The following USP34 variants were observed in gnomAD, a reference collection of about 807,000 sequenced individuals.
USP34 encodes ubiquitin specific peptidase 34, also known as ubiquitin carboxyl-terminal hydrolase 34.
In USP34, 70 loss-of-function variants were observed where a neutral mutation model predicts 460.3. The observed-to-expected ratio is 0.15, with a 90% CI of 0.13 to 0.19. USP34 has a LOEUF of 0.19. Ranked by LOEUF, USP34 falls within the 10% of genes least tolerant of loss-of-function variation. The pLI is 1.00. For synonymous variants in USP34, 1,647 were observed against 1,405.3 expected (o/e 1.17, Z -3.85); for missense variants, 3,985 against 4,236.2 (o/e 0.94, Z 1.65).
chr2:61,188,616 G>C lies in USP34; in HGVS notation c.10127C>G (p.Thr3376Ser). The change falls in exon 80 of 80, where the codon ACC becomes AGC. Residue 3376 changes from threonine (T) to serine (S), a missense_variant. Thr to Ser is a moderately conservative substitution (Grantham distance 58, BLOSUM62 1). Transcript: ENST00000398571. ...DSCISDMKTE[T>S]REVLTPTSTS... ...GCTCGTTGGGGTCAGGACCTCCCTGGTTTCTGTTTTCATGTCACTGATGCA... is the reference window on the plus strand; with the variant it reads ...GCTCGTTGGGGTCAGGACCTCCCTGCTTTCTGTTTTCATGTCACTGATGCA... The C allele has an allele frequency of 6.2e-7, 1 of 1,614,136 alleles. No individual in the cohort carries two copies. The highest frequency in any genetic ancestry group is 2.2e-5 in the East Asian group (1 of 44,886).
At chr2:61,237,889 ATTTTCTT>A (rs1688116606) in intron 53 of USP34, among the ~76,000 whole-genome samples, 1 of 147,140 alleles carries the variant, frequency 6.8e-6, no homozygotes, top group South Asian at 2.2e-4. Context: ...CACCCTAGCT[ATTTTCTT>A]TTTTCTTTTC....
intron 25 of USP34, among the ~76,000 whole-genome samples, chr2:61,313,604 T>A (rs1244430761): frequency 6.6e-6 from 1 of 152,142 alleles, no homozygotes; most frequent in Non-Finnish European, 1.5e-5. Context: ...CATTTGCTCT[T>A]TTTAAAATTT....
intron 39 of USP34, among the ~76,000 whole-genome samples, 179 bp downstream of exon 39, chr2:61,280,065 A>T (rs185562828): frequency 6.6e-6 from 1 of 152,340 alleles, no homozygotes; most frequent in East Asian, 1.9e-4. Flanking sequence ...GGTCTGAGTA[A>T]AAACACGAAA....
intron 27 of USP34, among the ~76,000 whole-genome samples, chr2:61,308,528 G>T (rs185249844): frequency 6.6e-6 from 1 of 152,202 alleles, no homozygotes; most frequent in East Asian, 1.9e-4. Context: ...TGTTCCATAA[G>T]GAGAGAAAAT....
rs1687527909 is a variant in USP34, at chr2:61,220,469, A to G, written c.7900-12T>C. On this transcript the variant is annotated splice_polypyrimidine_tract_variant and intron_variant, in intron 66 of 79. Transcript: ENST00000398571. Reference sequence around the variant, plus strand: ...TTGTATTCAATCACCTACAAATAACATGACAAGAACAGAATATAAGGCCAA... The same window carrying G: ...TTGTATTCAATCACCTACAAATAACGTGACAAGAACAGAATATAAGGCCAA... 2 of 1,603,620 alleles carry G rather than the reference A, an allele frequency of 1.2e-6. No homozygotes were observed. The highest frequency in any genetic ancestry group is 1.7e-6 in the Non-Finnish European group (2 of 1,175,650).
At chr2:61,288,506 A>C (rs946268672) in intron 34 of USP34, among the ~76,000 whole-genome samples, 171 bp downstream of exon 34, 3 of 152,224 alleles carry the variant, frequency 2.0e-5, no homozygotes, top group African/African-American at 7.2e-5. Context: ...TGGATGATGA[A>C]ATGAAAAGCA....
At chr2:61,364,090 A>C (rs895001938) in intron 10 of USP34, among the ~76,000 whole-genome samples, 2 of 152,216 alleles carry the variant, frequency 1.3e-5, no homozygotes, top group Non-Finnish European at 2.9e-5. Context: ...ACAGAATGTA[A>C]AACAGCTGAG....
intron 3 of USP34, among the ~76,000 whole-genome samples, chr2:61,396,541 TGCAGGA>T (rs1338186882): frequency 1.3e-5 from 2 of 151,136 alleles, no homozygotes; most frequent in African/African-American, 2.4e-5. Context: ...CAGGCTGGAG[TGCAGGA>T]GCATGATCTC....
At chr2:61,269,855 G>A (rs1441327045) in intron 41 of USP34, among the ~76,000 whole-genome samples, 1 of 152,002 alleles carries the variant, frequency 6.6e-6, no homozygotes, top group East Asian at 1.9e-4. Flanking sequence ...AATGTGTAAT[G>A]ATGAAATCAG....
At chr2:61,318,470 T>C (rs1263315429) in intron 22 of USP34, among the ~76,000 whole-genome samples, 2 of 152,200 alleles carry the variant, frequency 1.3e-5, no homozygotes, top group Non-Finnish European at 2.9e-5. Flanking sequence ...AGTGATTTAG[T>C]TTATACACAC....
intron 1 of USP34, among the ~76,000 whole-genome samples, chr2:61,449,254 TAAAA>T (rs111308233): frequency 5.6e-5 from 8 of 143,488 alleles, no homozygotes; most frequent in East Asian, 2.0e-4. Flanking sequence ...GACTCCCTCT[TAAAA>T]AAAAAAAAAA....
chr2:61,202,488 T>C (rs1429339458), intron 75 of USP34, among the ~76,000 whole-genome samples: 1 of 152,128 alleles, frequency 6.6e-6, no homozygotes, highest in African/African-American at 2.4e-5. Flanking sequence ...TTATCAGCTA[T>C]AGGAATGTTA....
At chr2:61,430,233 AAAG>A (rs1294113935) in intron 1 of USP34, among the ~76,000 whole-genome samples, 1 of 126,460 alleles carries the variant, frequency 7.9e-6, no homozygotes, top group African/African-American at 2.9e-5. Flanking sequence ...AAAAAAAAGA[AAAG>A]AAAAAAAAAA....
intron 1 of USP34, among the ~76,000 whole-genome samples, chr2:61,429,420 C>T (rs1431474287): frequency 1.3e-5 from 2 of 152,162 alleles, no homozygotes; most frequent in African/African-American, 4.8e-5. Flanking sequence ...GCACTCCAGC[C>T]TGGGCAACAG....
chr2:61,270,919 T>TA (rs1341838485), intron 41 of USP34, among the ~76,000 whole-genome samples: 9 of 152,308 alleles, frequency 5.9e-5, no homozygotes, highest in African/African-American at 1.9e-4. Flanking sequence ...TCCTATGACT[T>TA]AATTTTTACT....
At chr2:61,344,082 TG>T in intron 15 of USP34, 53 bp from the exon 16 acceptor site, 1 of 1,551,260 alleles carries the variant, frequency 6.4e-7, no homozygotes, top group Non-Finnish European at 8.8e-7. Flanking sequence ...GAATCTAATT[TG>T]TGAACCACAA....
Position 61,232,422 on chromosome 2 carries a change from A to C in USP34, c.7113+30T>G, listed in dbSNP as rs768666370. ...AAATTGAAAGTAACTTCTTTTCCAAATAATTTTTTTCAAACATATTTTTCC... is the reference window on the plus strand; with the variant it reads ...AAATTGAAAGTAACTTCTTTTCCAACTAATTTTTTTCAAACATATTTTTCC... On this transcript the variant is annotated intron_variant, in intron 58 of 79. Coordinates refer to ENST00000398571, the MANE Select transcript of USP34 (RefSeq NM_014709.4). 3.9e-6 allele frequency: 6 copies of C among 1,535,152 alleles called. No individual in the cohort carries two copies. In the South Asian group the frequency reaches 5.8e-5, roughly 15 times the overall value.
intron 1 of USP34, among the ~76,000 whole-genome samples, chr2:61,446,479 A>T (rs1695120233): frequency 6.6e-6 from 1 of 152,182 alleles, no homozygotes; most frequent in African/African-American, 2.4e-5. Context: ...GAAATCATGT[A>T]AGTACTGTCT....
In USP34 at chr2:61,229,488, A is replaced by C. The variant is rs563417424; in HGVS notation, c.7199+60T>G. ...AAAAAAAAAAAAACAAAAAAAAAAA[A>C]CAAAAACACCACACACACACAACAC... On this transcript the variant is annotated intron_variant, in intron 59 of 79. Transcript: ENST00000398571. 1.8e-3 allele frequency: 1,512 copies of C among 822,572 alleles called. 15 individuals carry two copies. The highest frequency in any genetic ancestry group is 2.2e-3 in the South Asian group (62 of 28,494). The allele number at this position is 822,572 out of a possible 1,614,324, so 51.0% of individuals were successfully genotyped here.
Sources: gnomAD v4.1 joint callset for allele counts (sites outside exome capture counted in the v4.1 genomes callset) on GRCh38, gnomAD v4.1.1 for gene constraint, MANE v1.5 for transcripts, NCBI Gene and HGNC (gene_info 2026-07-23, HGNC 2026-07-21) for gene names.